Variants in ACYP2 observed in about 807,000 individuals in gnomAD.
ACYP2 encodes acylphosphatase-2.
In ACYP2, 12 loss-of-function variants were observed where a neutral mutation model predicts 11.2. That is an observed-to-expected ratio of 1.08 (90% CI 0.69 to 1.74). The LOEUF (loss-of-function observed/expected upper bound fraction) is 1.74. Ranked by LOEUF, ACYP2 falls within the 40% of genes most tolerant of loss-of-function variation. The probability of loss-of-function intolerance (pLI) is 0.00; values close to 1 mark genes in which losing one functional copy is unlikely to be tolerated. For synonymous variants in ACYP2, 43 were observed against 32.2 expected (o/e 1.33, Z -1.13); for missense variants, 134 against 101.9 (o/e 1.31, Z -1.35).
Position 53,975,992 on chromosome 2 carries a change from C to T in ACYP2, c.62+2182C>T, listed in dbSNP as rs115966727. 8.6e-3 allele frequency among the ~76,000 whole-genome samples: 1,306 copies of T among 152,248 alleles called. 17 individuals carry two copies. The highest frequency in any genetic ancestry group is 0.014 in the Non-Finnish European group (963 of 68,020). ...GAAAATATTCTAAAGAGAGAGGTTC[C>T]TTCTCCAGCTGGAGGGATTAGCAGA... is the stretch of plus-strand genomic sequence containing the variant. On this transcript the variant is annotated intron_variant, in intron 2 of 6. Coordinates refer to ENST00000607452, the MANE Select transcript of ACYP2 (RefSeq NM_001320586.2).
intron 6 of ACYP2, among the ~76,000 whole-genome samples, chr2:54,298,251 T>C (rs1689596058): frequency 1.3e-5 from 2 of 152,182 alleles, no homozygotes; most frequent in African/African-American, 4.8e-5. Flanking sequence ...AAGGATAAAT[T>C]ATTTAGTAAA....
chr2:54,257,486 T>G lies in ACYP2; in HGVS notation c.405-47202T>G, dbSNP rs149645548. ...AGGACAGGGAGGTGTAATCTTCTCT[T>G]GAGCCTGGAAGGAGGAAACTGGAAA... On this transcript the variant is annotated intron_variant, in intron 6 of 6. Coordinates refer to ENST00000607452, the MANE Select transcript of ACYP2 (RefSeq NM_001320586.2). 5.6e-3 allele frequency among the ~76,000 whole-genome samples: 850 copies of G among 152,298 alleles called. 12 individuals carry two copies. Among genetic ancestry groups the G allele is most frequent in the African/African-American group, 0.02 (815 of 41,562 alleles).
intron 6 of ACYP2, chr2:54,141,874 C>G (rs148616423): frequency 3.9e-4 from 246 of 638,376 alleles, no homozygotes; most frequent in African/African-American, 3.4e-3. Flanking sequence ...GTCTTGCTCT[C>G]TCTCCTAGGC....
intron 2 of ACYP2, among the ~76,000 whole-genome samples, chr2:54,006,686 T>A (rs561847508): frequency 6.6e-6 from 1 of 152,286 alleles, no homozygotes; most frequent in African/African-American, 2.4e-5. Flanking sequence ...CAGGCTAGAG[T>A]GCAGTGGGCA....
At chr2:54,246,819 ATAGT>A (rs1686976981) in intron 6 of ACYP2, among the ~76,000 whole-genome samples, 1 of 152,156 alleles carries the variant, frequency 6.6e-6, no homozygotes, top group African/African-American at 2.4e-5. Flanking sequence ...GCTAGGCATA[ATAGT>A]TACTTTGGGA....
chr2:54,289,365 A>G (rs1689207727), intron 6 of ACYP2, among the ~76,000 whole-genome samples: 1 of 152,006 alleles, frequency 6.6e-6, no homozygotes, highest in South Asian at 2.1e-4. Flanking sequence ...AACAGGCCCA[A>G]GCTCTTTAAA....
intron 6 of ACYP2, among the ~76,000 whole-genome samples, chr2:54,242,062 C>T (rs1458010355): frequency 6.6e-6 from 1 of 152,068 alleles, no homozygotes; most frequent in Non-Finnish European, 1.5e-5. Flanking sequence ...GAGAAATTAG[C>T]CATGTATTTA....
intron 2 of ACYP2, among the ~76,000 whole-genome samples, chr2:54,027,154 TA>T (rs1157099180): frequency 6.6e-6 from 1 of 152,164 alleles, no homozygotes; most frequent in Admixed American, 6.5e-5. Flanking sequence ...GCTCAGAACA[TA>T]ATGTCCAGAA....
intron 2 of ACYP2, among the ~76,000 whole-genome samples, chr2:54,005,678 G>A (rs1044435618): frequency 3.9e-5 from 6 of 152,134 alleles, no homozygotes; most frequent in African/African-American, 1.4e-4. Flanking sequence ...CATTGACCAA[G>A]ATCAATTCAT....
At chr2:54,124,197 T>C (rs1680328078) in intron 4 of ACYP2, among the ~76,000 whole-genome samples, 1 of 125,234 alleles carries the variant, frequency 8.0e-6, no homozygotes, top group Non-Finnish European at 1.6e-5. Context: ...ATATTGAATC[T>C]TTTTTTTTTT....
intron 6 of ACYP2, among the ~76,000 whole-genome samples, chr2:54,165,712 A>G (rs1682939893): frequency 6.6e-6 from 1 of 152,112 alleles, no homozygotes; most frequent in African/African-American, 2.4e-5. Context: ...ACTGGAGAGG[A>G]GACTGGGTGC....
At chr2:54,132,983 A>C (rs1025589813) in intron 4 of ACYP2, among the ~76,000 whole-genome samples, 1 of 152,196 alleles carries the variant, frequency 6.6e-6, no homozygotes, top group Admixed American at 6.5e-5. Context: ...ACCTCAGGTG[A>C]TCCACCCGCC....
At chr2:53,996,033 C>G (rs945551774) in intron 2 of ACYP2, among the ~76,000 whole-genome samples, 12 of 151,948 alleles carry the variant, frequency 7.9e-5, no homozygotes, top group Admixed American at 2.6e-4. Context: ...ACATGGGAGG[C>G]TGAGGCAGGA....
At chr2:54,250,125 C>G (rs1474886259) in intron 6 of ACYP2, among the ~76,000 whole-genome samples, 1 of 151,980 alleles carries the variant, frequency 6.6e-6, no homozygotes, top group Non-Finnish European at 1.5e-5. Context: ...CTACCTTTTC[C>G]ATCCTCATCT....
chr2:54,143,515 C>T (rs1042900925), intron 6 of ACYP2, among the ~76,000 whole-genome samples: 28 of 152,098 alleles, frequency 1.8e-4, no homozygotes, highest in African/African-American at 6.5e-4. Context: ...CTTACTTCAA[C>T]CTCTGCCTCC....
At chr2:54,094,561 A>G (rs1678414369) in intron 4 of ACYP2, among the ~76,000 whole-genome samples, 1 of 143,940 alleles carries the variant, frequency 6.9e-6, no homozygotes, top group Non-Finnish European at 1.5e-5. Context: ...TGTTTGAGAC[A>G]TTGTCTTGCT....
intron 4 of ACYP2, among the ~76,000 whole-genome samples, chr2:54,064,085 G>T (rs957627484): frequency 1.3e-5 from 2 of 152,142 alleles, no homozygotes; most frequent in Non-Finnish European, 1.5e-5. Flanking sequence ...GGGCTCAAGT[G>T]GTCCTCCTGC....
chr2:54,058,643 A>G (rs926602462), intron 4 of ACYP2, among the ~76,000 whole-genome samples: 1 of 152,174 alleles, frequency 6.6e-6, no homozygotes, highest in African/African-American at 2.4e-5. Flanking sequence ...AAGAAACACA[A>G]AATGTGGCTT....
intron 6 of ACYP2, among the ~76,000 whole-genome samples, chr2:54,181,008 G>T (rs1683694643): frequency 6.6e-6 from 1 of 152,164 alleles, no homozygotes; most frequent in East Asian, 1.9e-4. Flanking sequence ...TAAACATTCA[G>T]ACCATAGCAG....
Sources: allele counts gnomAD v4.1 joint callset (sites outside exome capture counted in the v4.1 genomes callset), GRCh38; gene constraint gnomAD v4.1.1; transcripts MANE v1.5; gene names NCBI Gene and HGNC (gene_info 2026-07-23, HGNC 2026-07-21).